The following TIE1 variants were observed in gnomAD, a reference collection of about 807,000 sequenced individuals.
The protein encoded by TIE1 is tyrosine kinase with immunoglobulin like and EGF like domains 1, also known as tyrosine-protein kinase receptor Tie-1.
TIE1 carries 89 observed loss-of-function variants against 130.5 expected under a neutral mutation model. That is an observed-to-expected ratio of 0.68 (90% CI 0.57 to 0.81). TIE1 has a LOEUF of 0.81. Ranked by LOEUF, TIE1 falls within the 40% of genes least tolerant of loss-of-function variation. The probability of loss-of-function intolerance (pLI) is 0.00; values close to 1 mark genes in which losing one functional copy is unlikely to be tolerated. For missense variants in TIE1, 1,392 were observed against 1,559.8 expected, an observed-to-expected ratio of 0.89 and a Z score of 1.81; for synonymous variants, 568 against 629.4, an observed-to-expected ratio of 0.90 and a Z score of 1.46.
Position 43,319,654 on chromosome 1 carries a change from A to G in TIE1, c.3107+125A>G. 1 of 982,382 alleles carries G rather than the reference A, an allele frequency of 1.0e-6. No individual in the cohort carries two copies. The highest frequency in any genetic ancestry group is 1.6e-6 in the Non-Finnish European group (1 of 624,658). The allele number at this position is 982,382 out of a possible 1,614,324, so 60.9% of individuals were successfully genotyped here. A position where few individuals can be genotyped will look rare whatever the true frequency, so the allele number is the denominator to read the frequency against. ...TGACCTGGGCTGTGTTCCAGGTGTG[A>G]CACAGGTGTGTCTTGGGTATAAAGT... On this transcript the variant is annotated intron_variant, in intron 19 of 22. Coordinates refer to ENST00000372476, the MANE Select transcript of TIE1 (RefSeq NM_005424.5). The surrounding 1 kb of genome is among the most constrained non-coding windows in gnomAD (Gnocchi z 4.7).
In TIE1 at chr1:43,304,846, C is replaced by A; in HGVS notation, c.59-5C>A. 4.2e-6 allele frequency: 6 copies of A among 1,417,012 alleles called. No individual in the cohort carries two copies. The highest frequency in any genetic ancestry group is 5.5e-6 in the Non-Finnish European group (6 of 1,092,356). 87.8% of individuals were successfully genotyped at this position (1,417,012 alleles called of 1,614,324 possible). A position where few individuals can be genotyped will look rare whatever the true frequency, so the allele number is the denominator to read the frequency against. ...ACAATAGAGTCACTGGTGTCCTGGC[C>A]CCAGGCGCGGCGGTGGACCTGACGC... On this transcript the variant is annotated splice_polypyrimidine_tract_variant and splice_region_variant and intron_variant, in intron 1 of 22. Coordinates refer to ENST00000372476, the MANE Select transcript of TIE1 (RefSeq NM_005424.5).
Position 43,309,680 on chromosome 1 carries a change from C to T in TIE1, c.1333+148C>T, listed in dbSNP as rs1182647882. 15 of 1,183,594 alleles carry T rather than the reference C, an allele frequency of 1.3e-5. No individual in the cohort carries two copies. Among genetic ancestry groups the T allele is most frequent in the Non-Finnish European group, 1.7e-5 (15 of 890,492 alleles). The allele number at this position is 1,183,594 out of a possible 1,614,324, so 73.3% of individuals were successfully genotyped here. A position where few individuals can be genotyped will look rare whatever the true frequency, so the allele number is the denominator to read the frequency against. The stretch of plus-strand genomic sequence containing the variant: ...GACAAAAAGCGGGGTTGTGGTCAAC[C>T]AGAGGTCCGGGCTGGGCAGTGTCAA... On this transcript the variant is annotated intron_variant, in intron 9 of 22. Transcript: ENST00000372476. This position sits in a 1 kb window ranked among gnomAD's most constrained non-coding sequence, Gnocchi z 6.3.
In TIE1 at chr1:43,318,022, C is replaced by A; in HGVS notation, c.2872C>A (p.Arg958Ser). Residue 958 changes from arginine to serine, a missense_variant, in exon 17 of 23, where the codon CGT becomes AGT. This residue lies in a region of TIE1 where 286 missense variants were observed against 354.4 expected (regional missense o/e 0.81). Transcript: ENST00000372476. This position sits in a 1 kb window ranked among gnomAD's most constrained non-coding sequence, Gnocchi z 4.4. ...TACCCTTAGCTCCCGGCAGCTGCTG[C>A]GTTTCGCCAGTGATGCGGCCAATGG... ...ASTLSSRQLL[R>S]FASDAANGMQ... is the part of the protein sequence containing the mutation. The A allele has an allele frequency of 6.3e-7, 1 of 1,588,592 alleles. No homozygotes were observed. Among genetic ancestry groups the A allele is most frequent in the Non-Finnish European group, 8.6e-7 (1 of 1,166,890 alleles).
In TIE1 at chr1:43,318,104, A is replaced by G. The variant is rs756558202; in HGVS notation, c.2922+32A>G. ...GTGAGTGGGGGCGGGTGGAGGCCAG[A>G]GGGGGAAGCCACTGGGCTGGTGTCA... On this transcript the variant is annotated intron_variant, in intron 17 of 22. Coordinates refer to ENST00000372476, the MANE Select transcript of TIE1 (RefSeq NM_005424.5). The surrounding 1 kb of genome is among the most constrained non-coding windows in gnomAD (Gnocchi z 4.4). 9 of 1,515,872 alleles carry G rather than the reference A, an allele frequency of 5.9e-6. No individual in the cohort carries two copies. The highest frequency in any genetic ancestry group is 6.2e-6 in the Non-Finnish European group (7 of 1,132,974). The allele number at this position is 1,515,872 out of a possible 1,614,324, so 93.9% of individuals were successfully genotyped here.
At chr1:43,311,554 T>C in intron 9 of TIE1, 117 bp from the exon 10 acceptor site, 1 of 1,381,276 alleles carries the variant, frequency 7.2e-7, no homozygotes, top group Non-Finnish European at 9.8e-7. Flanking sequence ...CTGGCCACTA[T>C]GGTCATCTGT....
At chr1:43,305,731 T>C (rs1164196622) in intron 3 of TIE1, among the ~76,000 whole-genome samples, 1 of 152,192 alleles carries the variant, frequency 6.6e-6, no homozygotes, top group East Asian at 1.9e-4. Context: ...GGGCAGAGTC[T>C]AGCCTCTCCC....
At position 43,312,792 on chromosome 1, in the gene TIE1, A is replaced by T. The variant is rs1319828696; in HGVS notation, c.1927+191A>T. Among the ~76,000 whole-genome samples, 3 of 151,992 alleles carry T rather than the reference A, an allele frequency of 2.0e-5. No homozygotes were observed. ...CTTGGGGAAGATCCAGGGTACCAGG[A>T]GGACACAGATCACCAGGAGCATGTG... On this transcript the variant is annotated intron_variant, in intron 12 of 22. Coordinates refer to ENST00000372476, the MANE Select transcript of TIE1 (RefSeq NM_005424.5). The surrounding 1 kb of genome is among the most constrained non-coding windows in gnomAD (Gnocchi z 5.6).
Position 43,304,891 on chromosome 1 carries a change from C to T in TIE1, c.99C>T (p.Leu33=). The T allele has an allele frequency of 7.0e-7, 1 of 1,426,146 alleles. No homozygotes were observed. Among genetic ancestry groups the T allele is most frequent in the Non-Finnish European group, 9.1e-7 (1 of 1,095,944 alleles). 88.3% of individuals were successfully genotyped at this position (1,426,146 alleles called of 1,614,324 possible). Residue 33 remains leucine (L), a synonymous_variant, in exon 2 of 23, where the codon CTC becomes CTT. Coordinates refer to ENST00000372476, the MANE Select transcript of TIE1 (RefSeq NM_005424.5). ...VDLTLLANLR[L]TDPQRFFLTC... is the part of the protein sequence containing the mutation. ...TGACGCTGCTGGCCAACCTGCGGCTCACGGACCCCCAGCGCTTCTTCCTGA... is the reference window on the plus strand; with the variant it reads ...TGACGCTGCTGGCCAACCTGCGGCTTACGGACCCCCAGCGCTTCTTCCTGA...
chr1:43,312,168 A>G lies in TIE1; in HGVS notation c.1630+37A>G. Reference sequence around the variant, plus strand: ...AGAGTCATCCCTTCCTGTCCCCCCAAGGGTTACTTTCCCGTCGACCCCAGG... The same window carrying G: ...AGAGTCATCCCTTCCTGTCCCCCCAGGGGTTACTTTCCCGTCGACCCCAGG... On this transcript the variant is annotated intron_variant, in intron 11 of 22. Coordinates refer to ENST00000372476, the MANE Select transcript of TIE1 (RefSeq NM_005424.5). The surrounding 1 kb of genome is among the most constrained non-coding windows in gnomAD (Gnocchi z 5.6). The G allele has an allele frequency of 6.6e-7, 1 of 1,516,388 alleles. No individual in the cohort carries two copies. Among genetic ancestry groups the G allele is most frequent in the African/African-American group, 1.4e-5 (1 of 71,790 alleles). The allele number at this position is 1,516,388 out of a possible 1,614,324, so 93.9% of individuals were successfully genotyped here.
In TIE1 at chr1:43,317,372, C is replaced by G. The variant is rs373122819; in HGVS notation, c.2583C>G (p.Asp861Glu). The change falls in exon 15 of 23, where the codon GAC (aspartate) becomes GAG (glutamate). Residue 861 changes from aspartate (D) to glutamate (E), a missense_variant. Physicochemically the swap from Asp to Glu is conservative, Grantham distance 45 (BLOSUM62 2). Transcript: ENST00000372476. This position sits in a 1 kb window ranked among gnomAD's most constrained non-coding sequence, Gnocchi z 5.1. ...GQVIRAMIKK[D>E]GLKMNAAIKM... is the part of the protein sequence containing the mutation. ...TCATCCGGGCCATGATCAAGAAGGA[C>G]GGGCTGAAGATGAACGCAGCCATCA... 6.2e-7 allele frequency: 1 copy of G among 1,614,050 alleles called. No homozygotes were observed. The highest frequency in any genetic ancestry group is 1.3e-5 in the African/African-American group (1 of 74,990).
Position 43,306,895 on chromosome 1 carries a change from G to A in TIE1, c.540G>A (p.Leu180=). 1.9e-6 allele frequency: 3 copies of A among 1,614,038 alleles called. No homozygotes were observed. Among genetic ancestry groups the A allele is most frequent in the Non-Finnish European group, 2.5e-6 (3 of 1,180,010 alleles). Residue 180 remains leucine, a synonymous_variant, in exon 4 of 23, where the codon CTG becomes CTA. Transcript: ENST00000372476. The surrounding 1 kb of genome is among the most constrained non-coding windows in gnomAD (Gnocchi z 4.9). ...WHEAQDGRFL[L]QLPNVQPPSS... ...AAGCCCAGGATGGGCGGTTCCTGCT[G>A]CAGCTCCCAAATGTGCAGCCACCAT...
intron 3 of TIE1, 136 bp downstream of exon 3, chr1:43,305,479 A>C (rs1388879773): frequency 2.6e-6 from 2 of 771,248 alleles, no homozygotes; most frequent in Non-Finnish European, 4.1e-6. Flanking sequence ...GTAGTGGACC[A>C]GGTCCCATGG....
rs750977760 is a variant in TIE1, at chr1:43,317,801, C to T, written c.2732-81C>T. 3.6e-4 allele frequency: 554 copies of T among 1,532,224 alleles called. 6 individuals are homozygous for T. The highest frequency in any genetic ancestry group is 3.5e-4 in the Middle Eastern group (2 of 5,686). 94.9% of individuals were successfully genotyped at this position (1,532,224 alleles called of 1,614,324 possible). Reference sequence around the variant, plus strand: ...CACCACCCTTGATCCTCCTTCATCCCTGTCTGTTACCATCGGGTGCCTGCT... The same window carrying T: ...CACCACCCTTGATCCTCCTTCATCCTTGTCTGTTACCATCGGGTGCCTGCT... On this transcript the variant is annotated intron_variant, in intron 16 of 22. Coordinates refer to ENST00000372476, the MANE Select transcript of TIE1 (RefSeq NM_005424.5). This position sits in a 1 kb window ranked among gnomAD's most constrained non-coding sequence, Gnocchi z 5.1.
rs1646928425 is a variant in TIE1 at position 43,322,350 on chromosome 1, T to C, written c.3346-301T>C. ...ATATAAATGGATGAGTCGTCTAAAATGGCTTTTGAACAGATAAGTTACTGA... is the reference window on the plus strand; with the variant it reads ...ATATAAATGGATGAGTCGTCTAAAACGGCTTTTGAACAGATAAGTTACTGA... On this transcript the variant is annotated intron_variant, in intron 22 of 22. Transcript: ENST00000372476. This position sits in a 1 kb window ranked among gnomAD's most constrained non-coding sequence, Gnocchi z 4.0. Among the ~76,000 whole-genome samples, 1 of 152,224 alleles carries C rather than the reference T, an allele frequency of 6.6e-6. No individual in the cohort carries two copies. Among genetic ancestry groups the C allele is most frequent in the Non-Finnish European group, 1.5e-5 (1 of 68,042 alleles).
At position 43,307,384 on chromosome 1, in the gene TIE1, G is replaced by T. The variant is rs780418863; in HGVS notation, c.773-48G>T. 2 of 1,609,296 alleles carry T rather than the reference G, an allele frequency of 1.2e-6. No homozygotes were observed. Among genetic ancestry groups the T allele is most frequent in the Non-Finnish European group, 1.7e-6 (2 of 1,176,330 alleles). ...GGTAAGGGCGACAGGCAGGTCCTGG[G>T]CCCAGGGGCCCACAGAGGCCCATAC... On this transcript the variant is annotated intron_variant, in intron 5 of 22. Coordinates refer to ENST00000372476, the MANE Select transcript of TIE1 (RefSeq NM_005424.5). The surrounding 1 kb of genome is among the most constrained non-coding windows in gnomAD (Gnocchi z 5.4).
At chr1:43,301,238 T>C (rs1646666695) in intron 1 of TIE1, 109 bp downstream of exon 1, 1 of 1,246,862 alleles carries the variant, frequency 8.0e-7, no homozygotes, top group South Asian at 1.5e-5. Context: ...ATGGTTGCCA[T>C]GGGCTGCAGG....
chr1:43,321,665 C>A lies in TIE1; in HGVS notation c.3295C>A (p.Pro1099Thr). 1.3e-6 allele frequency: 2 copies of A among 1,553,778 alleles called. No homozygotes were observed. Among genetic ancestry groups the A allele is most frequent in the African/African-American group, 1.4e-5 (1 of 73,308 alleles). The change falls in exon 22 of 23, where the codon CCC becomes ACC. Residue 1099 changes from proline to threonine, a missense_variant. Pro to Thr is a conservative substitution (Grantham distance 38). Around this residue, in one of 6 missense-constraint regions of TIE1, gnomAD observed 104 missense variants for 129.3 expected, o/e 0.80. Coordinates refer to ENST00000372476, the MANE Select transcript of TIE1 (RefSeq NM_005424.5). The stretch of plus-strand genomic sequence containing the variant: ...GCGGGACCGTCCCTATGAGCGACCC[C>A]CCTTTGCCCAGATTGCGCTACAGCT... ...CWRDRPYERPPFAQIALQLGR... is the reference protein window; with the variant it reads ...CWRDRPYERPTFAQIALQLGR...
At position 43,313,434 on chromosome 1, in the gene TIE1, G is replaced by A. The variant is rs977855367; in HGVS notation, c.2218+9G>A. Reference sequence around the variant, plus strand: ...GTCCACCCTGGGCAACGGTGAGAGGGCAGGGCCCACAGGACCCCCCGGGCT... The same window carrying A: ...GTCCACCCTGGGCAACGGTGAGAGGACAGGGCCCACAGGACCCCCCGGGCT... On this transcript the variant is annotated intron_variant, in intron 13 of 22. Coordinates refer to ENST00000372476, the MANE Select transcript of TIE1 (RefSeq NM_005424.5). This position sits in a 1 kb window ranked among gnomAD's most constrained non-coding sequence, Gnocchi z 6.2. The A allele has an allele frequency of 6.2e-7, 1 of 1,613,448 alleles. No individual in the cohort carries two copies. Among genetic ancestry groups the A allele is most frequent in the Non-Finnish European group, 8.5e-7 (1 of 1,179,720 alleles).
chr1:43,305,108 G>T lies in TIE1; in HGVS notation c.316G>T (p.Val106Leu). Reference sequence around the variant, plus strand: ...GGACCTCGTGGGCGTCTTCTCCTGCGTGGGCGGTGCTGGGGCGCGGCGCAC... The same window carrying T: ...GGACCTCGTGGGCGTCTTCTCCTGCTTGGGCGGTGCTGGGGCGCGGCGCAC... The part of the protein sequence containing the change: ...PSDLVGVFSC[V>L]GGAGARRTRV... Residue 106 changes from valine to leucine, a missense_variant, in exon 2 of 23, where the codon GTG (valine) becomes TTG (leucine). Val to Leu is a conservative substitution (Grantham distance 32). Transcript: ENST00000372476. 1 of 1,613,476 alleles carries T rather than the reference G, an allele frequency of 6.2e-7. No individual in the cohort carries two copies. The highest frequency in any genetic ancestry group is 2.2e-5 in the East Asian group (1 of 44,862).
Sources: gnomAD v4.1 joint callset for allele counts (sites outside exome capture counted in the v4.1 genomes callset) on GRCh38, gnomAD v4.1.1 for gene constraint, gnomAD v4.1.1 regional missense constraint, Gnocchi (gnomAD v3.1) non-coding constraint, MANE v1.5 for transcripts, NCBI Gene and HGNC (gene_info 2026-07-23, HGNC 2026-07-21) for gene names.